PITPNM2: variants seen among roughly 807,000 people sequenced by gnomAD.
The protein encoded by PITPNM2 is phosphatidylinositol transfer protein membrane associated 2.
In PITPNM2, 35 loss-of-function variants were observed where a neutral mutation model predicts 132.2. The ratio of observed to expected loss-of-function variants is 0.26; its 90% CI spans 0.20 to 0.35. The LOEUF is 0.35. Among genes scored for constraint, PITPNM2 ranks in the 10% least tolerant of loss-of-function variants. The pLI is 1.00. For missense variants in PITPNM2, 1,332 were observed against 1,912.0 expected (o/e 0.70, Z 5.66); for synonymous variants, 738 against 799.2 (o/e 0.92, Z 1.29).
chr12:123,080,758 CCAGT>C (rs1246201557), intron 2 of PITPNM2, among the ~76,000 whole-genome samples: 18 of 152,364 alleles, frequency 1.2e-4, no homozygotes, highest in African/African-American at 4.3e-4. Context: ...ACGTGACTAG[CCAGT>C]CATCACCCCT....
In PITPNM2 at chr12:122,997,544, G is replaced by A. The variant is rs779767333; in HGVS notation, c.1253C>T (p.Pro418Leu). ...TAGCAGCACGTGGATCTTGGAGGGC[G>A]GTGCAGCCAGCGGCTGGCTAACCTC... ...EDEVSQPLAA[P>L]PSKIHVLLLV... The change falls in exon 11 of 26, where the codon CCG becomes CTG. Residue 418 changes from proline (P) to leucine (L), a missense_variant. Coordinates refer to ENST00000320201, the MANE Select transcript of PITPNM2 (RefSeq NM_020845.3). The A allele has an allele frequency of 2.1e-5, 34 of 1,612,250 alleles. No homozygotes were observed. Among genetic ancestry groups the A allele is most frequent in the African/African-American group, 1.5e-4 (11 of 74,888 alleles).
chr12:123,043,946 A>G (rs929399303), intron 2 of PITPNM2, among the ~76,000 whole-genome samples: 5 of 152,192 alleles, frequency 3.3e-5, no homozygotes, highest in African/African-American at 2.4e-5. Flanking sequence ...TAAGCATGGC[A>G]TGAAGGAGAA....
In PITPNM2 at chr12:122,984,496, T is replaced by C. The variant is rs1261458189; in HGVS notation, c.*1531A>G. On this transcript the variant is annotated 3_prime_UTR_variant, in exon 26 of 26. Coordinates refer to ENST00000320201, the MANE Select transcript of PITPNM2 (RefSeq NM_020845.3). ...ACAACAAAAAGCTACATCTTAAATA[T>C]GAATAAACCCTGAAGGTTCCATCCC... 6.6e-6 allele frequency: 1 copy of C among 152,540 alleles called. No individual in the cohort carries two copies. The highest frequency in any genetic ancestry group is 1.9e-4 in the East Asian group (1 of 5,204). 9.4% of individuals were successfully genotyped at this position (152,540 alleles called of 1,614,324 possible).
chr12:123,035,408 G>A (rs1187053280), intron 2 of PITPNM2, among the ~76,000 whole-genome samples: 2 of 152,100 alleles, frequency 1.3e-5, no homozygotes, highest in East Asian at 3.8e-4. Context: ...GCTCACACTT[G>A]TAATCCCAGC....
At position 123,095,899 on chromosome 12, in the gene PITPNM2, C is replaced by A. The variant is rs1205311059; in HGVS notation, c.-96+14486G>T. Among the ~76,000 whole-genome samples, 3 of 152,258 alleles carry A rather than the reference C, an allele frequency of 2.0e-5. No homozygotes were observed. The highest frequency in any genetic ancestry group is 7.2e-5 in the African/African-American group (3 of 41,478). On this transcript the variant is annotated intron_variant, in intron 2 of 25. Coordinates refer to ENST00000320201, the MANE Select transcript of PITPNM2 (RefSeq NM_020845.3). This position sits in a 1 kb window ranked among gnomAD's most constrained non-coding sequence, Gnocchi z 5.0. ...GGCTCCACGCCCCAGTGGCAGACCCCCCCAACCCCACTTCCACAAGGCTTG... is the reference window on the plus strand; with the variant it reads ...GGCTCCACGCCCCAGTGGCAGACCCACCCAACCCCACTTCCACAAGGCTTG...
intron 1 of PITPNM2, among the ~76,000 whole-genome samples, chr12:123,131,754 A>C (rs1318518381): frequency 3.9e-5 from 6 of 152,194 alleles, no homozygotes; most frequent in African/African-American, 9.6e-5. Flanking sequence ...CTGATGGAAG[A>C]AGCAGCCCCC....
At position 123,079,350 on chromosome 12, in the gene PITPNM2, C is replaced by CTT. The variant is rs139205213; in HGVS notation, c.-96+31033_-96+31034dup. Among the ~76,000 whole-genome samples the CTT allele has an allele frequency of 1.3e-3, 71 of 53,818 alleles. 2 individuals carry two copies. The highest frequency in any genetic ancestry group is 3.1e-3 in the East Asian group (4 of 1,270). 35.3% of individuals were successfully genotyped at this position (53,818 alleles called of 152,430 possible). ...TTCACTTCTTTTTCTTTTTTCTTTTCTTTTTTTTTTTTTTTTTTTTTTTTT... is the reference window on the plus strand; with the variant it reads ...TTCACTTCTTTTTCTTTTTTCTTTTCTTTTTTTTTTTTTTTTTTTTTTTTTTT... On this transcript the variant is annotated intron_variant, in intron 2 of 25. Coordinates refer to ENST00000320201, the MANE Select transcript of PITPNM2 (RefSeq NM_020845.3).
intron 2 of PITPNM2, chr12:123,087,575 C>T (rs2042147802): frequency 6.6e-6 from 1 of 152,094 alleles, no homozygotes; most frequent in Non-Finnish European, 1.5e-5. Context: ...CTACAAATCT[C>T]TTAACTAATG....
At chr12:123,007,565 C>T (rs3897102) in intron 6 of PITPNM2, 132,051 of 339,322 alleles carry the variant, frequency 0.39, 29,194 homozygotes, top group East Asian at 0.67. Context: ...CACTTCCCAC[C>T]CCTGGCTTTG....
At position 123,150,978 on chromosome 12, in the gene PITPNM2, C is replaced by G. The variant is rs1324346619; in HGVS notation, c.-425G>C. On this transcript the variant is annotated 5_prime_UTR_variant, in exon 1 of 26. Coordinates refer to ENST00000320201, the MANE Select transcript of PITPNM2 (RefSeq NM_020845.3). This position sits in a 1 kb window ranked among gnomAD's most constrained non-coding sequence, Gnocchi z 6.0. ...GCGGCGCACGTGCTGGCGGGCGGCT[C>G]TCGCTGAGGCGGCCGCGAGCTGAGA... Among the ~76,000 whole-genome samples the G allele has an allele frequency of 2.1e-5, 3 of 144,956 alleles. No individual in the cohort carries two copies. The East Asian group carries it at 6.0e-4, about 29-fold the overall frequency.
intron 8 of PITPNM2, among the ~76,000 whole-genome samples, chr12:123,002,362 TA>T (rs1319182161): frequency 1.3e-5 from 2 of 152,180 alleles, no homozygotes; most frequent in Non-Finnish European, 2.9e-5. Flanking sequence ...TAAATAAAAA[TA>T]AAAAATGCTA....
intron 1 of PITPNM2, among the ~76,000 whole-genome samples, chr12:123,115,188 A>AGGCT (rs1346454922): frequency 6.6e-6 from 1 of 152,188 alleles, no homozygotes; most frequent in East Asian, 1.9e-4. Flanking sequence ...TGCCTTGGGC[A>AGGCT]GGCTGGCTGG....
rs1210105676 is a variant in PITPNM2 at position 122,992,782 on chromosome 12, T to TG, written c.2234-114dup. The TG allele has an allele frequency of 6.8e-6, 5 of 734,942 alleles. No individual in the cohort carries two copies. The highest frequency in any genetic ancestry group is 6.1e-5 in the Admixed American group (2 of 32,920). 45.5% of individuals were successfully genotyped at this position (734,942 alleles called of 1,614,324 possible). A position where few individuals can be genotyped will look rare whatever the true frequency, so the allele number is the denominator to read the frequency against. ...TGTCTGCTGAAAGTTAGGGATAAGA[T>TG]GGGGGGTGTGTCTCTATCAATTTGG... On this transcript the variant is annotated intron_variant, in intron 15 of 25. Coordinates refer to ENST00000320201, the MANE Select transcript of PITPNM2 (RefSeq NM_020845.3). This position sits in a 1 kb window ranked among gnomAD's most constrained non-coding sequence, Gnocchi z 6.5.
chr12:123,038,234 G>T (rs1021661682), intron 2 of PITPNM2, among the ~76,000 whole-genome samples: 3 of 152,206 alleles, frequency 2.0e-5, no homozygotes, highest in Non-Finnish European at 4.4e-5. Context: ...TACATGGATA[G>T]GAAGAAGGAA....
At chr12:122,997,071 C>G (rs1186747590) in intron 11 of PITPNM2, among the ~76,000 whole-genome samples, 161 bp from the exon 12 acceptor site, 1 of 152,186 alleles carries the variant, frequency 6.6e-6, no homozygotes, top group Non-Finnish European at 1.5e-5. Flanking sequence ...TGGGTAAGAC[C>G]CCATGTCTCA....
intron 5 of PITPNM2, chr12:123,010,599 C>T (rs1187844036): frequency 6.4e-6 from 1 of 156,842 alleles, no homozygotes; most frequent in Non-Finnish European, 1.4e-5. Flanking sequence ...AAGAATGTCC[C>T]AGCAGCACCG....
In PITPNM2 at chr12:123,118,103, A is replaced by G. The variant is rs117242584; in HGVS notation, c.-199-7615T>C. Among the ~76,000 whole-genome samples, 267 of 152,388 alleles carry G rather than the reference A, an allele frequency of 1.8e-3. 1 individual carries two copies. The highest frequency in any genetic ancestry group is 3.1e-3 in the Non-Finnish European group (213 of 68,040). On this transcript the variant is annotated intron_variant, in intron 1 of 25. Coordinates refer to ENST00000320201, the MANE Select transcript of PITPNM2 (RefSeq NM_020845.3). ...AGAGTGGGGATAAGCCTTTATTGTG[A>G]TAAGCCACTGAGACTAGAGAATTGT...
At chr12:123,131,259 TCA>T (rs2043255827) in intron 1 of PITPNM2, among the ~76,000 whole-genome samples, 1 of 152,098 alleles carries the variant, frequency 6.6e-6, no homozygotes, top group Admixed American at 6.6e-5. Flanking sequence ...AAGAGAAAAG[TCA>T]CAGAGGCAGA....
chr12:123,015,829 G>A (rs1011722260), intron 3 of PITPNM2, among the ~76,000 whole-genome samples: 3 of 152,152 alleles, frequency 2.0e-5, no homozygotes, highest in Non-Finnish European at 2.9e-5. Flanking sequence ...CACCAAATGG[G>A]AGAAGACATT....
Sources: gnomAD v4.1 joint callset for allele counts (sites outside exome capture counted in the v4.1 genomes callset) on GRCh38, gnomAD v4.1.1 for gene constraint, Gnocchi (gnomAD v3.1) non-coding constraint, MANE v1.5 for transcripts, NCBI Gene and HGNC (gene_info 2026-07-23, HGNC 2026-07-21) for gene names.